The following PLA2G2F variants were observed in gnomAD, a reference collection of about 807,000 sequenced individuals.
PLA2G2F encodes phospholipase A2 group IIF, also known as group IIF secretory phospholipase A2.
Under a neutral mutation model 15.9 loss-of-function variants are expected in PLA2G2F, and 17 were observed. The observed-to-expected ratio is 1.07, with a 90% confidence interval of 0.73 to 1.60. The LOEUF is 1.60. Ranked by LOEUF, PLA2G2F falls within the 40% of genes most tolerant of loss-of-function variation. The pLI is 0.00. For missense variants in PLA2G2F, 299 were observed against 278.2 expected (o/e 1.07, Z -0.53); for synonymous variants, 119 against 106.5 (o/e 1.12, Z -0.72).
At chr1:20,143,094 G>C (rs945670705) in intron 2 of PLA2G2F, 7 of 197,548 alleles carry the variant, frequency 3.5e-5, no homozygotes, top group Non-Finnish European at 7.2e-5. Flanking sequence ...TCTGCACAGA[G>C]GCATAACAAG....
chr1:20,143,613 C>G (rs1235492731), intron 3 of PLA2G2F, 23 bp downstream of exon 3: 6 of 1,609,324 alleles, frequency 3.7e-6, no homozygotes, highest in Admixed American at 1.7e-5. Context: ...GGCCTGGGCT[C>G]CTGTCAGGGG....
Position 20,144,590 on chromosome 1 carries a change from G to A in PLA2G2F, c.325G>A (p.Ala109Thr), listed in dbSNP as rs771304346. ...TCTGCCGCTCCCTAGGTGCTGCCAC[G>A]CCCACGACTGCTGCTACCAGGAACT... ...PKDEVDWCCH[A>T]HDCCYQELFD... The change falls in exon 4 of 5, where the codon GCC becomes ACC. Residue 109 changes from alanine (A) to threonine (T), a missense_variant. Transcript: ENST00000375102. The A allele has an allele frequency of 1.6e-5, 25 of 1,609,808 alleles. No individual in the cohort carries two copies. The highest frequency in any genetic ancestry group is 2.0e-5 in the Non-Finnish European group (23 of 1,178,046).
Position 20,143,598 on chromosome 1 carries a change from C to A in PLA2G2F, c.314+8C>A. On this transcript the variant is annotated splice_region_variant and intron_variant, in intron 3 of 4. Coordinates refer to ENST00000375102, the MANE Select transcript of PLA2G2F (RefSeq NM_022819.4). The stretch of plus-strand genomic sequence containing the variant: ...CAAGGATGAGGTGGACTGGTAGGTA[C>A]CAGAGGCCTGGGCTCCTGTCAGGGG... The A allele has an allele frequency of 6.2e-7, 1 of 1,612,798 alleles. No homozygotes were observed. The highest frequency in any genetic ancestry group is 8.5e-7 in the Non-Finnish European group (1 of 1,179,114).
chr1:20,144,664 C>A lies in PLA2G2F; in HGVS notation c.399C>A (p.Ile133=). ...HPYVDHYDHT[I]ENNTEIVCSD... is the part of the protein sequence containing the mutation. ...ATGTGGACCACTATGATCACACCAT[C>A]GAGAACAACACTGAGATAGTCTGCA... Residue 133 remains isoleucine, a synonymous_variant, in exon 4 of 5, where the codon ATC becomes ATA. Transcript: ENST00000375102. 6.2e-7 allele frequency: 1 copy of A among 1,609,538 alleles called. No homozygotes were observed. The highest frequency in any genetic ancestry group is 8.5e-7 in the Non-Finnish European group (1 of 1,177,720).
Position 20,139,343 on chromosome 1 carries a change from G to A in PLA2G2F, c.-85G>A. ...CCCCTGCCAGTGTGCGAGGCAGCGT[G>A]AAGCTGGGGCCTGCTCCCCGCAGCC... is the stretch of plus-strand genomic sequence containing the variant. On this transcript the variant is annotated 5_prime_UTR_variant, in exon 1 of 5. Transcript: ENST00000375102. The A allele has an allele frequency of 9.4e-7, 1 of 1,062,112 alleles. No homozygotes were observed. The highest frequency in any genetic ancestry group is 1.4e-6 in the Non-Finnish European group (1 of 708,710). 65.8% of individuals were successfully genotyped at this position (1,062,112 alleles called of 1,614,324 possible). A position where few individuals can be genotyped will look rare whatever the true frequency, so the allele number is the denominator to read the frequency against.
Position 20,139,515 on chromosome 1 carries a change from G to C in PLA2G2F, c.88G>C (p.Gly30Arg), listed in dbSNP as rs771680765. 2.6e-6 allele frequency: 4 copies of C among 1,566,278 alleles called. No homozygotes were observed. Among genetic ancestry groups the C allele is most frequent in the Non-Finnish European group, 3.5e-6 (4 of 1,155,048 alleles). The change falls in exon 1 of 5, where the codon GGG (glycine) becomes CGG (arginine). Residue 30 changes from glycine (G) to arginine (R), a missense_variant. Physicochemically the swap from Gly to Arg is moderately radical, Grantham distance 125 (BLOSUM62 -2). Transcript: ENST00000375102. ...CTCTGGGTGGAGGGGCCCACGCTTC[G>C]GGGCCTCCTGTCCTTCAAGAACCTC... The part of the protein sequence containing the change: ...CFSGWRGPRF[G>R]ASCPSRTSRS...
At chr1:20,146,853 C>T (rs1476841722) in intron 4 of PLA2G2F, among the ~76,000 whole-genome samples, 1 of 152,058 alleles carries the variant, frequency 6.6e-6, no homozygotes, top group Non-Finnish European at 1.5e-5. Flanking sequence ...AGATTCTCCC[C>T]CAGCCACCAC....
At chr1:20,141,105 A>G (rs975197003) in intron 2 of PLA2G2F, 7 of 152,242 alleles carry the variant, frequency 4.6e-5, no homozygotes, top group African/African-American at 1.4e-4. Flanking sequence ...GTGACTTGTT[A>G]TTGAGAAGAC....
intron 4 of PLA2G2F, among the ~76,000 whole-genome samples, chr1:20,146,387 G>A (rs1569901416): frequency 6.6e-6 from 1 of 152,202 alleles, no homozygotes; most frequent in East Asian, 1.9e-4. Flanking sequence ...GACGCCCAGT[G>A]TTTCCAGGGA....
chr1:20,143,910 G>A (rs2017531463), intron 3 of PLA2G2F: 1 of 252,438 alleles, frequency 4.0e-6, no homozygotes, highest in Non-Finnish European at 7.7e-6. Context: ...GGCAAGGGCT[G>A]TGACCCCTGC....
At chr1:20,144,541 C>T (rs535599222) in intron 3 of PLA2G2F, 39 bp from the exon 4 acceptor site, 4 of 1,481,916 alleles carry the variant, frequency 2.7e-6, no homozygotes, top group Admixed American at 1.8e-5. Context: ...GATGGGCCGG[C>T]CCAGCCATGC....
chr1:20,143,583 G>T lies in PLA2G2F; in HGVS notation c.307G>T (p.Val103Leu). The change falls in exon 3 of 5, where the codon GTG (valine) becomes TTG (leucine). Residue 103 changes from valine (V) to leucine (L), a missense_variant. By Grantham distance (32) the Val-to-Leu change is conservative. Transcript: ENST00000375102. ...LGGRGQPKDE[V>L]DWCCHAHDCC... Reference sequence around the variant, plus strand: ...GGGCCGTGGCCAGCCCAAGGATGAGGTGGACTGGTAGGTACCAGAGGCCTG... The same window carrying T: ...GGGCCGTGGCCAGCCCAAGGATGAGTTGGACTGGTAGGTACCAGAGGCCTG... The T allele has an allele frequency of 6.2e-7, 1 of 1,613,942 alleles. No homozygotes were observed. The highest frequency in any genetic ancestry group is 8.5e-7 in the Non-Finnish European group (1 of 1,179,878).
Position 20,140,172 on chromosome 1 carries a change from C to A in PLA2G2F, c.123C>A (p.Ser41Arg). 1 of 1,613,936 alleles carries A rather than the reference C, an allele frequency of 6.2e-7. No individual in the cohort carries two copies. The highest frequency in any genetic ancestry group is 8.5e-7 in the Non-Finnish European group (1 of 1,179,874). Residue 41 changes from serine to arginine, a missense_variant, in exon 2 of 5, where the codon AGC (serine) becomes AGA (arginine). By Grantham distance (110) the Ser-to-Arg change is moderately radical. Coordinates refer to ENST00000375102, the MANE Select transcript of PLA2G2F (RefSeq NM_022819.4). Reference protein sequence around the residue: ...ASCPSRTSRSSLGMKKFFTVA... With the variant: ...ASCPSRTSRSRLGMKKFFTVA... ...GGGTTTCGTCCTCCCTCAGGTCTAG[C>A]CTGGGTATGAAGAAGTTCTTCACCG...
chr1:20,141,500 G>A (rs35231462), intron 2 of PLA2G2F: 17,880 of 152,450 alleles, frequency 0.12, 1,083 homozygotes, highest in South Asian at 0.14. Context: ...GTGTGTGAGT[G>A]TGTGTGAGAT....
rs189073651 is a variant in PLA2G2F at position 20,144,220 on chromosome 1, C to T, written c.315-360C>T. ...GCCAGGGGTGGCCTCTGCCTACAGT[C>T]GACGCTCCTCCAACCTTGACGTAAA... On this transcript the variant is annotated intron_variant, in intron 3 of 4. Transcript: ENST00000375102. 1.6e-4 allele frequency: 43 copies of T among 276,934 alleles called. No homozygotes were observed. The East Asian group carries it at 3.0e-3, about 19-fold the overall frequency. The allele number at this position is 276,934 out of a possible 1,614,324, so 17.2% of individuals were successfully genotyped here.
chr1:20,148,457 G>C lies in PLA2G2F; in HGVS notation c.*56G>C. ...GGAGGGTCTGGCTTGGGGACCAGAC[G>C]AGGTGCAGGGAGGGTAGGAGCCAGG... On this transcript the variant is annotated 3_prime_UTR_variant, in exon 5 of 5. Transcript: ENST00000375102. 1 of 1,434,414 alleles carries C rather than the reference G, an allele frequency of 7.0e-7. No homozygotes were observed. The highest frequency in any genetic ancestry group is 9.7e-7 in the Non-Finnish European group (1 of 1,028,054). The allele number at this position is 1,434,414 out of a possible 1,614,324, so 88.9% of individuals were successfully genotyped here.
At chr1:20,140,240 C>G in intron 2 of PLA2G2F, 22 bp downstream of exon 2, 2 of 1,611,154 alleles carry the variant, frequency 1.2e-6, no homozygotes, top group Non-Finnish European at 1.7e-6. Flanking sequence ...CTCCAGAGGG[C>G]TCCTCCTTCT....
chr1:20,146,773 G>A (rs1216230583), intron 4 of PLA2G2F, among the ~76,000 whole-genome samples: 1 of 152,182 alleles, frequency 6.6e-6, no homozygotes, highest in East Asian at 1.9e-4. Context: ...ATGTTCTGCT[G>A]TTCAAACATG....
At position 20,139,423 on chromosome 1, in the gene PLA2G2F, G is replaced by A. The variant is rs373778513; in HGVS notation, c.-5G>A. On this transcript the variant is annotated 5_prime_UTR_variant, in exon 1 of 5. Transcript: ENST00000375102. ...CTATGTTGCTGGCCCCCCAGAACCC[G>A]CAACATGGCAGATGGGGCAAAGGCC... The A allele has an allele frequency of 7.9e-4, 1,226 of 1,553,756 alleles. No individual in the cohort carries two copies. Among genetic ancestry groups the A allele is most frequent in the Non-Finnish European group, 1.0e-3 (1,177 of 1,147,562 alleles).
Sources: gnomAD v4.1 joint callset for allele counts (sites outside exome capture counted in the v4.1 genomes callset) on GRCh38, gnomAD v4.1.1 for gene constraint, MANE v1.5 for transcripts, NCBI Gene and HGNC (gene_info 2026-07-23, HGNC 2026-07-21) for gene names.